SLCO3A1: variants seen among roughly 807,000 people sequenced by gnomAD.
SLCO3A1 encodes solute carrier organic anion transporter family member 3A1.
A neutral mutation model predicts 63.1 loss-of-function variants in SLCO3A1; 27 were observed. The observed-to-expected ratio is 0.43, with a 90% CI of 0.32 to 0.59. The LOEUF (loss-of-function observed/expected upper bound fraction) is 0.59. SLCO3A1 is among the 20% of genes least tolerant of loss of function. The probability of loss-of-function intolerance (pLI) is 0.09; values close to 1 mark genes in which losing one functional copy is unlikely to be tolerated. For missense variants in SLCO3A1, 773 were observed against 945.8 expected, an observed-to-expected ratio of 0.82 and a Z score of 2.40; for synonymous variants, 473 against 409.9, an observed-to-expected ratio of 1.15 and a Z score of -1.86.
intron 9 of SLCO3A1, among the ~76,000 whole-genome samples, chr15:92,158,084 T>C (rs1390368883): frequency 6.6e-6 from 1 of 152,178 alleles, no homozygotes; most frequent in Non-Finnish European, 1.5e-5. Context: ...CTGACAAGCA[T>C]AGTATCTGCT....
In SLCO3A1 at chr15:91,897,011, A is replaced by G. The variant is rs1042649653; in HGVS notation, c.181-18982A>G. Among the ~76,000 whole-genome samples, 1 of 152,144 alleles carries G rather than the reference A, an allele frequency of 6.6e-6. No homozygotes were observed. On this transcript the variant is annotated intron_variant, in intron 1 of 9. Transcript: ENST00000318445. This position sits in a 1 kb window ranked among gnomAD's most constrained non-coding sequence, Gnocchi z 4.7. Reference sequence around the variant, plus strand: ...CCCTTGTAGCTCTGTGATTTTAGGAACGATATGTCACTTTTGTGATCTTTA... The same window carrying G: ...CCCTTGTAGCTCTGTGATTTTAGGAGCGATATGTCACTTTTGTGATCTTTA...
intron 2 of SLCO3A1, among the ~76,000 whole-genome samples, chr15:92,070,948 A>G (rs1460631821): frequency 6.6e-6 from 1 of 152,218 alleles, no homozygotes; most frequent in Non-Finnish European, 1.5e-5. Context: ...AAATATATAT[A>G]TACACATCCC....
intron 4 of SLCO3A1, among the ~76,000 whole-genome samples, chr15:92,119,832 A>T (rs949135138): frequency 6.6e-6 from 1 of 152,058 alleles, no homozygotes; most frequent in Non-Finnish European, 1.5e-5. Context: ...GAAAACCAAG[A>T]CCCCAGTTGG....
chr15:92,102,208 C>T (rs971559211), intron 3 of SLCO3A1, among the ~76,000 whole-genome samples: 5 of 152,118 alleles, frequency 3.3e-5, no homozygotes, highest in African/African-American at 9.7e-5. Context: ...TGAAGAAACA[C>T]AGTAAGTGAC....
At chr15:91,945,545 A>G (rs1011540437) in intron 2 of SLCO3A1, among the ~76,000 whole-genome samples, 10 of 152,174 alleles carry the variant, frequency 6.6e-5, no homozygotes, top group Non-Finnish European at 1.3e-4. Context: ...CAGCAAGGAC[A>G]GCATATGCAA....
downstream of SLCO3A1, among the ~76,000 whole-genome samples, chr15:92,167,510 G>A (rs1360467028): frequency 3.9e-5 from 6 of 152,246 alleles, no homozygotes; most frequent in South Asian, 2.1e-4. Context: ...TGCTCCGCCC[G>A]ACTTATTCCA....
At chr15:91,896,535 T>C (rs1192393891) in intron 1 of SLCO3A1, among the ~76,000 whole-genome samples, 1 of 152,122 alleles carries the variant, frequency 6.6e-6, no homozygotes, top group African/African-American at 2.4e-5. Context: ...GGTTTTCCCG[T>C]GCTGTTCTCG....
chr15:91,996,557 G>A (rs2046194570), intron 2 of SLCO3A1, among the ~76,000 whole-genome samples: 1 of 152,066 alleles, frequency 6.6e-6, no homozygotes, highest in Non-Finnish European at 1.5e-5. Context: ...TTTCGTGTAA[G>A]GGGATCATAC....
intron 4 of SLCO3A1, among the ~76,000 whole-genome samples, chr15:92,107,361 G>T (rs1288549675): frequency 6.6e-6 from 1 of 152,208 alleles, no homozygotes; most frequent in Admixed American, 6.5e-5. Flanking sequence ...AGTGCATGAA[G>T]TGGGGCCACA....
intron 9 of SLCO3A1, chr15:92,157,123 A>C (rs2048380611): frequency 6.6e-6 from 1 of 152,184 alleles, no homozygotes; most frequent in African/African-American, 2.4e-5. Context: ...ATTCCCTCTA[A>C]TAGCGGGCAA....
intron 1 of SLCO3A1, among the ~76,000 whole-genome samples, chr15:91,901,596 T>C (rs935654827): frequency 1.3e-5 from 2 of 152,224 alleles, no homozygotes; most frequent in African/African-American, 4.8e-5. Context: ...TGCCTTCATT[T>C]TCAAATGAAA....
chr15:91,997,389 C>T (rs527920807), intron 2 of SLCO3A1, among the ~76,000 whole-genome samples: 66 of 152,296 alleles, frequency 4.3e-4, no homozygotes, highest in African/African-American at 1.6e-3. Context: ...ATCCCATGCT[C>T]ATGAATTGGA....
At position 91,884,810 on chromosome 15, in the gene SLCO3A1, C is replaced by G. The variant is rs181278061; in HGVS notation, c.180+30722C>G. On this transcript the variant is annotated intron_variant, in intron 1 of 9. Coordinates refer to ENST00000318445, the MANE Select transcript of SLCO3A1 (RefSeq NM_013272.4). ...TTACGCATTTTTTTGTATGCTTACT[C>G]TATGCCAGGCCCCATGCTGCATATT... Among the ~76,000 whole-genome samples the G allele has an allele frequency of 1.4e-4, 21 of 152,152 alleles. No homozygotes were observed. In the East Asian group the frequency reaches 3.9e-3, roughly 28 times the overall value.
chr15:92,000,442 A>C (rs1050655430), intron 2 of SLCO3A1, among the ~76,000 whole-genome samples: 1 of 150,816 alleles, frequency 6.6e-6, no homozygotes, highest in Admixed American at 6.6e-5. Flanking sequence ...CTGCTTAATG[A>C]GTATGTGTTT....
intron 2 of SLCO3A1, among the ~76,000 whole-genome samples, chr15:92,073,049 C>G (rs960396081): frequency 2.0e-5 from 3 of 152,056 alleles, no homozygotes; most frequent in Non-Finnish European, 4.4e-5. Context: ...CACCCCTTTC[C>G]CCCATCCTTT....
intron 1 of SLCO3A1, among the ~76,000 whole-genome samples, chr15:91,911,055 C>G (rs1004110852): frequency 6.6e-6 from 1 of 152,170 alleles, no homozygotes; most frequent in Non-Finnish European, 1.5e-5. Flanking sequence ...AATACTTGGC[C>G]GTGGCCTCTG....
At chr15:91,981,492 T>A (rs1359786750) in intron 2 of SLCO3A1, among the ~76,000 whole-genome samples, 1 of 152,194 alleles carries the variant, frequency 6.6e-6, no homozygotes, top group Non-Finnish European at 1.5e-5. Flanking sequence ...ACCTCATGGC[T>A]TTTTCCTCTA....
At position 92,126,216 on chromosome 15, in the gene SLCO3A1, G is replaced by A. The variant is rs373369544; in HGVS notation, c.1330G>A (p.Asp444Asn). 1.6e-5 allele frequency: 26 copies of A among 1,613,884 alleles called. No individual in the cohort carries two copies. The highest frequency in any genetic ancestry group is 4.0e-5 in the African/African-American group (3 of 74,864). Reference protein sequence around the residue: ...CYVSFLFLGCDTGPVAGVTVP... With the variant: ...CYVSFLFLGCNTGPVAGVTVP... Reference sequence around the variant, plus strand: ...CGTCTCCTTCCTCTTCCTGGGCTGCGACACTGGCCCTGTGGCTGGGGTTAC... The same window carrying A: ...CGTCTCCTTCCTCTTCCTGGGCTGCAACACTGGCCCTGTGGCTGGGGTTAC... The change falls in exon 6 of 10, where the codon GAC becomes AAC. Residue 444 changes from aspartate to asparagine, a missense_variant. Asp to Asn is a conservative substitution (Grantham distance 23). Around this residue, in one of 3 missense-constraint regions of SLCO3A1, gnomAD observed 565 missense variants for 749.8 expected, o/e 0.75. Transcript: ENST00000318445.
chr15:92,141,641 C>A (rs1390754843), intron 7 of SLCO3A1, among the ~76,000 whole-genome samples: 1 of 152,186 alleles, frequency 6.6e-6, no homozygotes, highest in African/African-American at 2.4e-5. Context: ...CTTTTCCCTT[C>A]ACATCAAAGT....
Sources: allele counts gnomAD v4.1 joint callset (sites outside exome capture counted in the v4.1 genomes callset), GRCh38; gene constraint gnomAD v4.1.1; regional missense constraint gnomAD v4.1.1; non-coding constraint Gnocchi (gnomAD v3.1); transcripts MANE v1.5; gene names NCBI Gene and HGNC (gene_info 2026-07-23, HGNC 2026-07-21).